Variants in VTI1A observed in about 807,000 individuals in gnomAD.
VTI1A encodes vesicle transport through interaction with t-SNAREs homolog 1A.
A neutral mutation model predicts 34.9 loss-of-function variants in VTI1A; 22 were observed. That is an observed-to-expected ratio of 0.63 (90% CI 0.45 to 0.90). The LOEUF is 0.90. Ranked by LOEUF, VTI1A falls within the 40% of genes least tolerant of loss-of-function variation. The pLI, the probability that VTI1A is intolerant of heterozygous loss-of-function variation, is 0.00. For missense variants in VTI1A, 268 were observed against 275.6 expected, an observed-to-expected ratio of 0.97 and a Z score of 0.20; for synonymous variants, 87 against 97.3, an observed-to-expected ratio of 0.89 and a Z score of 0.62.
At chr10:112,536,120 A>G (rs1489726863) in intron 4 of VTI1A, among the ~76,000 whole-genome samples, 1 of 152,256 alleles carries the variant, frequency 6.6e-6, no homozygotes, top group Non-Finnish European at 1.5e-5. Context: ...ATATTATTAT[A>G]AAAGTGGAAG....
At chr10:112,578,916 G>A (rs934666059) in intron 5 of VTI1A, among the ~76,000 whole-genome samples, 1 of 152,202 alleles carries the variant, frequency 6.6e-6, no homozygotes, top group African/African-American at 2.4e-5. Context: ...ACTTGTCATT[G>A]TCAGCACATG....
downstream of VTI1A, among the ~76,000 whole-genome samples, chr10:112,820,525 G>A (rs1298202064): frequency 6.6e-6 from 1 of 152,264 alleles, no homozygotes. Flanking sequence ...GTGGCTCTCA[G>A]CCCAGATGCC....
chr10:112,792,809 A>T (rs563782312), intron 7 of VTI1A, among the ~76,000 whole-genome samples: 87 of 152,312 alleles, frequency 5.7e-4, no homozygotes, highest in African/African-American at 2.0e-3. Flanking sequence ...TTGGATGTTG[A>T]TGGTGATAAT....
chr10:112,669,451 A>G (rs1287691573), intron 7 of VTI1A, among the ~76,000 whole-genome samples: 3 of 152,152 alleles, frequency 2.0e-5, no homozygotes, highest in African/African-American at 4.8e-5. Context: ...CGTTTTATGT[A>G]TATACTTAAA....
intron 3 of VTI1A, among the ~76,000 whole-genome samples, chr10:112,512,644 C>T (rs1259831671): frequency 6.6e-6 from 1 of 152,072 alleles, no homozygotes; most frequent in Non-Finnish European, 1.5e-5. Context: ...AATAATTTTC[C>T]ATAGGTTTTC....
At chr10:112,830,991 C>T in the VTI1A span, among the ~76,000 whole-genome samples, 5 of 150,536 alleles carry the variant, frequency 3.3e-5, no homozygotes, top group East Asian at 2.0e-4. Flanking sequence ...CTGAGACCAC[C>T]GGCACGTGCC....
intron 1 of VTI1A, 126 bp downstream of exon 1, chr10:112,447,593 A>G (rs1255983075): frequency 2.6e-5 from 29 of 1,105,538 alleles, no homozygotes; most frequent in Non-Finnish European, 3.8e-5. Flanking sequence ...GGCTGTTCCC[A>G]GGAGGGATAC....
chr10:112,743,313 T>C (rs1437590807), intron 7 of VTI1A, among the ~76,000 whole-genome samples: 1 of 152,172 alleles, frequency 6.6e-6, no homozygotes, highest in East Asian at 1.9e-4. Context: ...CTCGTCAGGC[T>C]TACAATGTTT....
chr10:112,782,501 C>T (rs771255950), intron 7 of VTI1A, among the ~76,000 whole-genome samples: 21 of 152,242 alleles, frequency 1.4e-4, no homozygotes, highest in Non-Finnish European at 2.8e-4. Flanking sequence ...CGATCTTTCC[C>T]GTCGCGGCAT....
chr10:112,724,631 G>A (rs188011303), intron 7 of VTI1A, among the ~76,000 whole-genome samples: 2 of 152,052 alleles, frequency 1.3e-5, no homozygotes, highest in African/African-American at 4.8e-5. Flanking sequence ...ATTCCCTCAT[G>A]TAATCTGTGT....
At chr10:112,498,088 C>T (rs1385222470) in intron 3 of VTI1A, among the ~76,000 whole-genome samples, 6 of 152,120 alleles carry the variant, frequency 3.9e-5, no homozygotes, top group African/African-American at 1.4e-4. Context: ...TGACCTTTCT[C>T]CACTGGATTA....
chr10:112,486,394 A>G (rs928486694), intron 3 of VTI1A, among the ~76,000 whole-genome samples: 4 of 152,216 alleles, frequency 2.6e-5, no homozygotes, highest in African/African-American at 9.7e-5. Flanking sequence ...TCATGAAATA[A>G]TACATCATGA....
chr10:112,768,788 G>C (rs991033632), intron 7 of VTI1A, among the ~76,000 whole-genome samples: 1 of 152,192 alleles, frequency 6.6e-6, no homozygotes, highest in Non-Finnish European at 1.5e-5. Flanking sequence ...TAAATTTCCT[G>C]ATTTGGGTAA....
chr10:112,794,171 C>T (rs1564928134), intron 7 of VTI1A, among the ~76,000 whole-genome samples: 2 of 152,082 alleles, frequency 1.3e-5, no homozygotes, highest in Non-Finnish European at 2.9e-5. Flanking sequence ...AGAAACAGTA[C>T]ATATTTATTA....
rs113567494 is a variant in VTI1A at position 112,647,191 on chromosome 10, C to T, written c.428-21027C>T. ...CTTTACTTCCATGGGCATGTGTAAACGGCTTAACTCTCTAGCCCACCCCAC... is the reference window on the plus strand; with the variant it reads ...CTTTACTTCCATGGGCATGTGTAAATGGCTTAACTCTCTAGCCCACCCCAC... On this transcript the variant is annotated intron_variant, in intron 5 of 7. Transcript: ENST00000393077. Among the ~76,000 whole-genome samples the T allele has an allele frequency of 3.1e-3, 478 of 152,222 alleles. 6 individuals are homozygous for T. Among genetic ancestry groups the T allele is most frequent in the African/African-American group, 0.011 (456 of 41,536 alleles).
chr10:112,834,480 A>C, the VTI1A span, among the ~76,000 whole-genome samples: 5 of 151,926 alleles, frequency 3.3e-5, no homozygotes, highest in Admixed American at 2.6e-4. Context: ...CCCCCTACCA[A>C]CCTGTGATTG....
In VTI1A at chr10:112,460,593, A is replaced by T; in HGVS notation, c.153+11A>T. 1 of 1,582,838 alleles carries T rather than the reference A, an allele frequency of 6.3e-7. No homozygotes were observed. ...GAAGCGAAAGAACTGGTATGTACAG[A>T]CAGTAATGTATTTTAACACACAGCC... On this transcript the variant is annotated intron_variant, in intron 2 of 7. Transcript: ENST00000393077.
At chr10:112,618,524 T>TATATATAGAGAGAGAGAG (rs748276058) in intron 5 of VTI1A, among the ~76,000 whole-genome samples, 43 of 34,556 alleles carry the variant, frequency 1.2e-3, no homozygotes, top group South Asian at 1.6e-3. Flanking sequence ...TATATATATA[T>TATATATAGAGAGAGAGAG]AGAGAGAGAG....
At chr10:112,698,705 C>T (rs1386254690) in intron 7 of VTI1A, among the ~76,000 whole-genome samples, 2 of 152,216 alleles carry the variant, frequency 1.3e-5, no homozygotes, top group Non-Finnish European at 2.9e-5. Flanking sequence ...ACACCCGTCT[C>T]GCACATCTTT....
Sources: allele counts gnomAD v4.1 joint callset (sites outside exome capture counted in the v4.1 genomes callset), GRCh38; gene constraint gnomAD v4.1.1; transcripts MANE v1.5; gene names NCBI Gene and HGNC (gene_info 2026-07-23, HGNC 2026-07-21).